Variants in CNTN5 observed in about 807,000 individuals in gnomAD.
The protein encoded by CNTN5 is contactin-5.
CNTN5 carries 77 observed loss-of-function variants against 129.1 expected under a neutral mutation model. The ratio of observed to expected loss-of-function variants is 0.60; its 90% confidence interval spans 0.50 to 0.72. The LOEUF (loss-of-function observed/expected upper bound fraction) is 0.72, where lower values mean the gene tolerates loss of function less well. CNTN5 is among the 30% of genes least tolerant of loss of function. The probability of loss-of-function intolerance (pLI) is 0.00; values close to 1 mark genes in which losing one functional copy is unlikely to be tolerated. For missense variants in CNTN5, 1,478 were observed against 1,328.8 expected, an observed-to-expected ratio of 1.11 and a Z score of -1.75; for synonymous variants, 509 against 465.6, an observed-to-expected ratio of 1.09 and a Z score of -1.20.
intron 8 of CNTN5, among the ~76,000 whole-genome samples, chr11:99,958,741 C>A (rs1366871904): frequency 6.6e-6 from 1 of 152,116 alleles, no homozygotes; most frequent in Non-Finnish European, 1.5e-5. Flanking sequence ...AACTTCTGAG[C>A]CCCTTTCTCC....
intron 1 of CNTN5, among the ~76,000 whole-genome samples, chr11:99,239,145 A>C (rs1356431334): frequency 6.6e-6 from 1 of 150,548 alleles, no homozygotes; most frequent in Non-Finnish European, 1.5e-5. Context: ...AAGAATAGGT[A>C]ATTTTTTAAA....
intron 7 of CNTN5, among the ~76,000 whole-genome samples, chr11:99,941,847 A>C (rs1398304871): frequency 6.6e-6 from 1 of 152,136 alleles, no homozygotes; most frequent in Non-Finnish European, 1.5e-5. Context: ...TGTTGTAGTT[A>C]AAAAGAGTCA....
Position 100,271,187 on chromosome 11 carries a change from A to G in CNTN5, c.2260A>G (p.Ile754Val). The change falls in exon 18 of 25, where the codon ATT becomes GTT. Residue 754 changes from isoleucine to valine, a missense_variant. Coordinates refer to ENST00000524871, the MANE Select transcript of CNTN5 (RefSeq NM_014361.4). ...ATTTCGAGTGGTAGCCACCAACCCT[A>G]TTGGGACAGGAGATCCAAGCACCCC... ...YEFRVVATNPIGTGDPSTPSR... is the reference protein window; with the variant it reads ...YEFRVVATNPVGTGDPSTPSR... 1 of 1,613,112 alleles carries G rather than the reference A, an allele frequency of 6.2e-7. No individual in the cohort carries two copies. Among genetic ancestry groups the G allele is most frequent in the Non-Finnish European group, 8.5e-7 (1 of 1,179,592 alleles).
chr11:99,198,478 G>T (rs7952041), intron 1 of CNTN5, among the ~76,000 whole-genome samples: 14,078 of 152,094 alleles, frequency 0.093, 886 homozygotes, highest in East Asian at 0.34. Flanking sequence ...TGTATGCTCT[G>T]CTTTTAGTTA....
chr11:99,508,843 G>C (rs2656204), intron 2 of CNTN5, among the ~76,000 whole-genome samples: 3 of 151,726 alleles, frequency 2.0e-5, no homozygotes, highest in African/African-American at 7.3e-5. Context: ...CACAATGCCC[G>C]GCTAATTTTT....
At chr11:100,074,071 G>T in intron 12 of CNTN5, 73 bp from the exon 13 acceptor site, 1 of 1,373,236 alleles carries the variant, frequency 7.3e-7, no homozygotes, top group Non-Finnish European at 1.0e-6. Context: ...AAAGTTACAA[G>T]ATCTTCATGA....
intron 15 of CNTN5, among the ~76,000 whole-genome samples, chr11:100,223,354 C>T (rs2138625394): frequency 6.6e-6 from 1 of 152,118 alleles, no homozygotes; most frequent in African/African-American, 2.4e-5. Context: ...AAGAAATGAT[C>T]TAAAACATAG....
At chr11:99,213,435 T>C (rs1049162191) in intron 1 of CNTN5, among the ~76,000 whole-genome samples, 1 of 145,208 alleles carries the variant, frequency 6.9e-6, no homozygotes, top group Non-Finnish European at 1.5e-5. Context: ...TACACGTGTA[T>C]ATATACACAT....
At chr11:99,682,709 C>T (rs529770468) in intron 3 of CNTN5, among the ~76,000 whole-genome samples, 1 of 151,776 alleles carries the variant, frequency 6.6e-6, no homozygotes, top group African/African-American at 2.4e-5. Context: ...TATGCCAGAC[C>T]CATCTAAAAT....
chr11:99,722,418 G>A (rs560863378), intron 3 of CNTN5, among the ~76,000 whole-genome samples: 5 of 152,130 alleles, frequency 3.3e-5, no homozygotes, highest in African/African-American at 1.2e-4. Context: ...CTTGTGAGTG[G>A]GAGCTAAATG....
At chr11:99,947,863 T>A (rs1017529650) in intron 7 of CNTN5, among the ~76,000 whole-genome samples, 9 of 152,166 alleles carry the variant, frequency 5.9e-5, no homozygotes, top group African/African-American at 1.7e-4. Flanking sequence ...TAAGCATTTT[T>A]AAAAATTCAT....
At chr11:100,113,874 G>C (rs539602888) in intron 13 of CNTN5, among the ~76,000 whole-genome samples, 2 of 151,796 alleles carry the variant, frequency 1.3e-5, no homozygotes, top group Non-Finnish European at 2.9e-5. Context: ...ACCTTTTAGC[G>C]TATGTCTCAT....
intron 1 of CNTN5, among the ~76,000 whole-genome samples, chr11:99,058,233 T>C (rs1242458707): frequency 6.6e-6 from 1 of 151,946 alleles, no homozygotes; most frequent in Non-Finnish European, 1.5e-5. Context: ...GAAAGAATGT[T>C]CAGGAGCTCA....
intron 1 of CNTN5, among the ~76,000 whole-genome samples, chr11:99,021,540 A>C (rs1862869583): frequency 6.6e-6 from 1 of 152,226 alleles, no homozygotes; most frequent in Non-Finnish European, 1.5e-5. Context: ...AATAAGAGTA[A>C]GCAATTCCTA....
chr11:100,224,622 T>G (rs1202554555), intron 15 of CNTN5, 70 bp from the exon 16 acceptor site: 2 of 1,501,120 alleles, frequency 1.3e-6, no homozygotes, highest in African/African-American at 1.4e-5. Context: ...ATATGCAAAG[T>G]TCCCCCTTAA....
In CNTN5 at chr11:99,670,687, C is replaced by T. The variant is rs80253620; in HGVS notation, c.55+114418C>T. 0.018 allele frequency among the ~76,000 whole-genome samples: 2,780 copies of T among 152,192 alleles called. 132 individuals carry two copies. In the East Asian group the frequency reaches 0.19, roughly 10 times the overall value. On this transcript the variant is annotated intron_variant, in intron 3 of 24. Transcript: ENST00000524871. The stretch of plus-strand genomic sequence containing the variant: ...GGAGATCCCACAAATGTATCACATA[C>T]TTTATTCTGAAGATCTGGGGTGTGG...
chr11:99,993,201 A>G (rs1245516513), intron 8 of CNTN5, among the ~76,000 whole-genome samples: 1 of 152,210 alleles, frequency 6.6e-6, no homozygotes, highest in South Asian at 2.1e-4. Flanking sequence ...TTAATGTAGT[A>G]CATATAGTAT....
chr11:99,760,155 C>G (rs1342197937), intron 3 of CNTN5, among the ~76,000 whole-genome samples: 1 of 152,130 alleles, frequency 6.6e-6, no homozygotes, highest in African/African-American at 2.4e-5. Flanking sequence ...CAGACAGAAT[C>G]TGTGCTAAAT....
intron 13 of CNTN5, among the ~76,000 whole-genome samples, chr11:100,167,576 A>C (rs962374687): frequency 6.6e-6 from 1 of 151,892 alleles, no homozygotes; most frequent in Non-Finnish European, 1.5e-5. Flanking sequence ...CTAATTAATG[A>C]GTAATAAATT....
Sources: gnomAD v4.1 joint callset for allele counts (sites outside exome capture counted in the v4.1 genomes callset) on GRCh38, gnomAD v4.1.1 for gene constraint, MANE v1.5 for transcripts, NCBI Gene and HGNC (gene_info 2026-07-23, HGNC 2026-07-21) for gene names.